The following TAP2 variants were observed in gnomAD, a reference collection of about 807,000 sequenced individuals.
TAP2 encodes antigen peptide transporter 2.
Under a neutral mutation model 74.7 loss-of-function variants are expected in TAP2, and 49 were observed. The ratio of observed to expected loss-of-function variants is 0.66; its 90% CI spans 0.52 to 0.83. The LOEUF is 0.83. Ranked by LOEUF, TAP2 falls within the 40% of genes least tolerant of loss-of-function variation. TAP2 has a pLI of 0.00. For synonymous variants in TAP2, 306 were observed against 368.4 expected, an observed-to-expected ratio of 0.83 and a Z score of 1.94; for missense variants, 739 against 859.0, an observed-to-expected ratio of 0.86 and a Z score of 1.75.
chr6:32,822,756 C>G (rs1463865160), downstream of TAP2, among the ~76,000 whole-genome samples: 1 of 152,004 alleles, frequency 6.6e-6, no homozygotes, highest in Non-Finnish European at 1.5e-5. Context: ...GTCTTGAGCT[C>G]CTGAGTTCAA....
chr6:32,828,675 G>GCCGCCC lies in TAP2; in HGVS notation c.*230_*231insGGGCGG. 41 of 884,234 alleles carry GCCGCCC rather than the reference G, an allele frequency of 4.6e-5. No individual in the cohort carries two copies. Among genetic ancestry groups the GCCGCCC allele is most frequent in the Non-Finnish European group, 5.3e-5 (39 of 735,198 alleles). 54.8% of individuals were successfully genotyped at this position (884,234 alleles called of 1,614,324 possible). A position where few individuals can be genotyped will look rare whatever the true frequency, so the allele number is the denominator to read the frequency against. On this transcript the variant is annotated 3_prime_UTR_variant, in exon 12 of 12. Transcript: ENST00000374897. ...GAATTAAGTTTCCTGGACACAGACA[G>GCCGCCC]CCCCCACCCCACCCCACCCCACCTC...
Position 32,837,884 on chromosome 6 carries a change from G to A in TAP2, c.350C>T (p.Ala117Val), listed in dbSNP as rs1389238483. Residue 117 changes from alanine to valine, a missense_variant, in exon 2 of 12, where the codon GCT becomes GTT. Physicochemically the swap from Ala to Val is moderately conservative, Grantham distance 64. Transcript: ENST00000374897. Reference sequence around the variant, plus strand: ...CTGGGCTCCAGGAGGGCTCAGAACAGCCCACAGTGACCAGCTGAGCCCCGC... The same window carrying A: ...CTGGGCTCCAGGAGGGCTCAGAACAACCCACAGTGACCAGCTGAGCCCCGC... ...GAAGLSWSLW[A>V]VLSPPGAQEK... 6.2e-7 allele frequency: 1 copy of A among 1,609,276 alleles called. No homozygotes were observed. The highest frequency in any genetic ancestry group is 1.1e-5 in the South Asian group (1 of 90,896).
At position 32,835,762 on chromosome 6, in the gene TAP2, GCAGA is replaced by G; in HGVS notation, c.616_619del (p.Ser206GlnfsTer43). On this transcript the variant is annotated frameshift_variant, in exon 4 of 12. Coordinates refer to ENST00000374897, the MANE Select transcript of TAP2 (RefSeq NM_001290043.2). LOFTEE classifies it high-confidence loss of function. This position sits in a 1 kb window ranked among gnomAD's most constrained non-coding sequence, Gnocchi z 4.0. ...GGTGAAGCAGCCTCCTCGGCAGCCT[GCAGA>G]CAGTGAGCTGTGGGGTAGGAGAATA... The G allele has an allele frequency of 6.2e-7, 1 of 1,613,148 alleles. No individual in the cohort carries two copies. The highest frequency in any genetic ancestry group is 8.5e-7 in the Non-Finnish European group (1 of 1,180,026).
intron 2 of TAP2, 23 bp downstream of exon 2, chr6:32,837,718 C>T (rs1214039554): frequency 1.9e-6 from 3 of 1,614,066 alleles, no homozygotes; most frequent in Admixed American, 1.7e-5. Flanking sequence ...ACCTCCAACT[C>T]ACAACGTCCT....
chr6:32,825,126 T>TTTTATATATATATATATATA (rs1554230833), downstream of TAP2, among the ~76,000 whole-genome samples: 3 of 140,686 alleles, frequency 2.1e-5, no homozygotes, highest in African/African-American at 8.0e-5. Flanking sequence ...TGTCTGTTGG[T>TTTTATATATATATATATATA]TATATACATA....
downstream of TAP2, among the ~76,000 whole-genome samples, chr6:32,824,499 CCA>C (rs112338875): frequency 0.014 from 2,132 of 152,130 alleles, 36 homozygotes; most frequent in African/African-American, 0.035. Context: ...CCTTTAACTC[CCA>C]TATTTAAGCT....
Position 32,828,615 on chromosome 6 carries a change from ACTC to A in TAP2, c.*288_*290del, listed in dbSNP as rs976673677. The A allele has an allele frequency of 1.6e-5, 18 of 1,129,320 alleles. No individual in the cohort carries two copies. The African/African-American group carries it at 2.0e-4, about 13-fold the overall frequency. The allele number at this position is 1,129,320 out of a possible 1,614,324, so 70.0% of individuals were successfully genotyped here. ...AAATATATGTATTATGCCACAAAATACTCCTCATCACCAGGCAAAGCTCTAGTC... is the reference window on the plus strand; with the variant it reads ...AAATATATGTATTATGCCACAAAATACTCATCACCAGGCAAAGCTCTAGTC... On this transcript the variant is annotated 3_prime_UTR_variant, in exon 12 of 12. Transcript: ENST00000374897.
chr6:32,835,235 T>C lies in TAP2; in HGVS notation c.864A>G (p.Ile288Met), dbSNP rs1428487659. Residue 288 changes from isoleucine to methionine, a missense_variant, in exon 5 of 12, where the codon ATA becomes ATG. Coordinates refer to ENST00000374897, the MANE Select transcript of TAP2 (RefSeq NM_001290043.2). This position sits in a 1 kb window ranked among gnomAD's most constrained non-coding sequence, Gnocchi z 4.0. The stretch of plus-strand genomic sequence containing the variant: ...GAGAAAGGAGGGTGAGTCGAGGCGA[T>C]ATGCTGAGCATGAAGCCATACAGCC... ...VVGLYGFMLS[I>M]SPRLTLLSLL... is the part of the protein sequence containing the mutation. The C allele has an allele frequency of 6.2e-7, 1 of 1,613,082 alleles. No homozygotes were observed. The highest frequency in any genetic ancestry group is 8.5e-7 in the Non-Finnish European group (1 of 1,180,042).
downstream of TAP2, among the ~76,000 whole-genome samples, chr6:32,822,959 G>A (rs183540362): frequency 6.3e-4 from 81 of 127,774 alleles, no homozygotes; most frequent in East Asian, 0.015. Context: ...TCACTGTGCC[G>A]CCCAGGCTGG....
chr6:32,823,198 G>T (rs1384019840), downstream of TAP2, among the ~76,000 whole-genome samples: 1 of 152,078 alleles, frequency 6.6e-6, no homozygotes, highest in African/African-American at 2.4e-5. Flanking sequence ...GAGATTACAG[G>T]CATGAATCAC....
chr6:32,823,750 TATA>T (rs1262428643), downstream of TAP2, among the ~76,000 whole-genome samples: 1 of 151,450 alleles, frequency 6.6e-6, no homozygotes, highest in Non-Finnish European at 1.5e-5. Context: ...TTCTGTTAAG[TATA>T]ATGTTTACAT....
At chr6:32,836,442 G>T (rs3819715) in intron 3 of TAP2, among the ~76,000 whole-genome samples, 58,522 of 151,872 alleles carry the variant, frequency 0.39, 11,608 homozygotes, top group Admixed American at 0.47. Context: ...GCGTTTGGGA[G>T]AGTCAGACAT....
Position 32,832,832 on chromosome 6 carries a change from A to G in TAP2, c.946-8T>C, listed in dbSNP as rs1483504002. On this transcript the variant is annotated splice_region_variant and splice_polypyrimidine_tract_variant and intron_variant, in intron 5 of 11. Coordinates refer to ENST00000374897, the MANE Select transcript of TAP2 (RefSeq NM_001290043.2). The surrounding 1 kb of genome is among the most constrained non-coding windows in gnomAD (Gnocchi z 5.9). ...GATCTCCCGAAGCACTTCCTGGAAA[A>G]GAGGGCCAGCAAACACCAGGGCTGA... is the stretch of plus-strand genomic sequence containing the variant. 3 of 1,611,586 alleles carry G rather than the reference A, an allele frequency of 1.9e-6. No homozygotes were observed. Among genetic ancestry groups the G allele is most frequent in the South Asian group, 2.2e-5 (2 of 91,078 alleles).
Position 32,826,417 on chromosome 6 carries a change from T to C in TAP2, c.*2489A>G, listed in dbSNP as rs530518569. ...GCAGGTAAGCGACAAGAAGGGGAAATTACAGGGTAAGGAGATCAATCAAAT... is the reference window on the plus strand; with the variant it reads ...GCAGGTAAGCGACAAGAAGGGGAAACTACAGGGTAAGGAGATCAATCAAAT... On this transcript the variant is annotated 3_prime_UTR_variant, in exon 12 of 12. Coordinates refer to ENST00000374897, the MANE Select transcript of TAP2 (RefSeq NM_001290043.2). 1 of 985,038 alleles carries C rather than the reference T, an allele frequency of 1.0e-6. No homozygotes were observed. Among genetic ancestry groups the C allele is most frequent in the African/African-American group, 1.8e-5 (1 of 57,134 alleles). The allele number at this position is 985,038 out of a possible 1,614,324, so 61.0% of individuals were successfully genotyped here. A position where few individuals can be genotyped will look rare whatever the true frequency, so the allele number is the denominator to read the frequency against.
intron 1 of TAP2, 134 bp downstream of exon 1, chr6:32,838,519 G>A (rs1769599802): frequency 5.2e-6 from 2 of 384,580 alleles, no homozygotes; most frequent in Non-Finnish European, 9.2e-6. Flanking sequence ...GCCTGCCGCG[G>A]CGAGCTAAGT....
At chr6:32,825,201 T>C (rs1768567707), downstream of TAP2, among the ~76,000 whole-genome samples, 1 of 150,628 alleles carries the variant, frequency 6.6e-6, no homozygotes, top group Non-Finnish European at 1.5e-5. Context: ...TAATATAGCC[T>C]CTATGAAGGC....
downstream of TAP2, among the ~76,000 whole-genome samples, chr6:32,822,917 C>CTTTT (rs3041453): frequency 0.021 from 2,254 of 109,916 alleles, 161 homozygotes; most frequent in African/African-American, 0.068. Context: ...TGTGTTCATA[C>CTTTT]TTTTTTTTTT....
At chr6:32,838,396 C>T in intron 1 of TAP2, 159 bp from the exon 2 acceptor site, 1 of 601,932 alleles carries the variant, frequency 1.7e-6, no homozygotes, top group Non-Finnish European at 2.1e-6. Context: ...CATCCGTACA[C>T]CCCTCCTACG....
chr6:32,832,597 G>A lies in TAP2; in HGVS notation c.1143+30C>T, dbSNP rs775674998. 3.1e-6 allele frequency: 5 copies of A among 1,612,926 alleles called. No homozygotes were observed. The highest frequency in any genetic ancestry group is 4.2e-6 in the Non-Finnish European group (5 of 1,179,980). On this transcript the variant is annotated intron_variant, in intron 6 of 11. Coordinates refer to ENST00000374897, the MANE Select transcript of TAP2 (RefSeq NM_001290043.2). The surrounding 1 kb of genome is among the most constrained non-coding windows in gnomAD (Gnocchi z 5.9). ...TTCCCTTGCCCTCCCCCTTTCCTGG[G>A]CTCCTTTCACAACCACTCTGGTATC...
Sources: allele counts gnomAD v4.1 joint callset (sites outside exome capture counted in the v4.1 genomes callset), GRCh38; gene constraint gnomAD v4.1.1; non-coding constraint Gnocchi (gnomAD v3.1); transcripts MANE v1.5; gene names NCBI Gene and HGNC (gene_info 2026-07-23, HGNC 2026-07-21).